The following DZIP1L variants were observed in gnomAD, a reference collection of about 807,000 sequenced individuals.
The protein encoded by DZIP1L is DAZ interacting zinc finger protein 1 like, also known as cilium assembly protein DZIP1L.
DZIP1L carries 90 observed loss-of-function variants against 88.7 expected under a neutral mutation model. That is an observed-to-expected ratio of 1.02 (90% CI 0.86 to 1.21). The LOEUF (loss-of-function observed/expected upper bound fraction) is 1.21, where lower values mean the gene tolerates loss of function less well. Ranked by LOEUF, DZIP1L falls within the 50% of genes most tolerant of loss-of-function variation. The probability of loss-of-function intolerance (pLI) is 0.00; values close to 1 mark genes in which losing one functional copy is unlikely to be tolerated. For synonymous variants in DZIP1L, 363 were observed against 372.1 expected, an observed-to-expected ratio of 0.98 and a Z score of 0.28; for missense variants, 932 against 955.8, an observed-to-expected ratio of 0.98 and a Z score of 0.33.
At chr3:138,085,282 T>A (rs1943872026) in intron 7 of DZIP1L, among the ~76,000 whole-genome samples, 1 of 152,180 alleles carries the variant, frequency 6.6e-6, no homozygotes, top group Admixed American at 6.5e-5. Context: ...CAAGAGCTTC[T>A]GCATAGCAAA....
At chr3:138,113,904 C>T (rs191602108) in intron 1 of DZIP1L, among the ~76,000 whole-genome samples, 2 of 152,212 alleles carry the variant, frequency 1.3e-5, no homozygotes, top group East Asian at 1.9e-4. Context: ...TTGCCACAAA[C>T]GGATTTTATT....
At chr3:138,068,430 A>T in intron 12 of DZIP1L, 63 bp from the exon 13 acceptor site, 44 of 1,290,742 alleles carry the variant, frequency 3.4e-5, no homozygotes, top group Admixed American at 5.4e-5. Context: ...GCCTAAGAGG[A>T]GGGAGAAAGT....
chr3:138,095,533 C>A (rs1231487831), intron 3 of DZIP1L, among the ~76,000 whole-genome samples: 1 of 152,136 alleles, frequency 6.6e-6, no homozygotes, highest in African/African-American at 2.4e-5. Context: ...GTAATCCCAG[C>A]ACTTTGGGAG....
chr3:138,107,012 G>A lies in DZIP1L; in HGVS notation c.-81-2960C>T, dbSNP rs148393061. ...GGGTGCTATGAGACTTGGAGAAGATGCAAGGGGAAGGTGCTCAGTGATAAC... is the reference window on the plus strand; with the variant it reads ...GGGTGCTATGAGACTTGGAGAAGATACAAGGGGAAGGTGCTCAGTGATAAC... On this transcript the variant is annotated intron_variant, in intron 1 of 15. Transcript: ENST00000327532. Among the ~76,000 whole-genome samples, 5 of 152,332 alleles carry A rather than the reference G, an allele frequency of 3.3e-5. No homozygotes were observed. The East Asian group carries it at 9.6e-4, about 29-fold the overall frequency.
At chr3:138,093,681 T>C (rs1271599014) in intron 4 of DZIP1L, among the ~76,000 whole-genome samples, 3 of 152,258 alleles carry the variant, frequency 2.0e-5, no homozygotes, top group Non-Finnish European at 2.9e-5. Flanking sequence ...CTGCTTCACA[T>C]TGCACTTTCA....
chr3:138,077,505 TA>T lies in DZIP1L; in HGVS notation c.1415del (p.Ile472LysfsTer20). 1 of 1,614,156 alleles carries T rather than the reference TA, an allele frequency of 6.2e-7. No individual in the cohort carries two copies. The highest frequency in any genetic ancestry group is 8.5e-7 in the Non-Finnish European group (1 of 1,179,990). On this transcript the variant is annotated frameshift_variant, in exon 11 of 16. Coordinates refer to ENST00000327532, the MANE Select transcript of DZIP1L (RefSeq NM_173543.3). LOFTEE classifies it high-confidence loss of function. Reference protein sequence around the residue: ...TLEEKLESMGIRKDAKGISIQ... With the variant: ...TLEEKLESMGXRKDAKGISIQ... ...CGATGGCCCTGAAACTCACCTTCCT[TA>T]TCCCCATGCTTTCGAGCTTCTCTTC...
At chr3:138,086,338 C>T (rs1408118869) in intron 7 of DZIP1L, among the ~76,000 whole-genome samples, 3 of 151,994 alleles carry the variant, frequency 2.0e-5, no homozygotes, top group African/African-American at 4.8e-5. Context: ...CTTCCCTACA[C>T]CAGAGTGAGG....
At chr3:138,069,076 C>T (rs1329752825) in intron 12 of DZIP1L, 5 of 1,097,142 alleles carry the variant, frequency 4.6e-6, no homozygotes, top group Non-Finnish European at 6.3e-6. Context: ...GTTGAACAGC[C>T]ATGGGTCCAC....
At chr3:138,091,081 G>A (rs918934850) in intron 5 of DZIP1L, among the ~76,000 whole-genome samples, 7 of 151,558 alleles carry the variant, frequency 4.6e-5, no homozygotes, top group African/African-American at 1.2e-4. Context: ...ACAGGGTTTC[G>A]CCATGTTGGT....
chr3:138,064,404 T>C lies in DZIP1L; in HGVS notation c.2142+224A>G, dbSNP rs751179118. ...CAATCAAAACTTACTGAGCATTGCT[T>C]ATATAATGAACCAAAAGGCTTTTTA... On this transcript the variant is annotated intron_variant, in intron 15 of 15. Coordinates refer to ENST00000327532, the MANE Select transcript of DZIP1L (RefSeq NM_173543.3). 6 of 1,446,802 alleles carry C rather than the reference T, an allele frequency of 4.1e-6. No homozygotes were observed. In the Admixed American group the frequency reaches 1.2e-4, roughly 30 times the overall value. The allele number at this position is 1,446,802 out of a possible 1,614,324, so 89.6% of individuals were successfully genotyped here.
At chr3:138,113,742 G>A (rs988991621) in intron 1 of DZIP1L, among the ~76,000 whole-genome samples, 1 of 152,098 alleles carries the variant, frequency 6.6e-6, no homozygotes, top group African/African-American at 2.4e-5. Context: ...GACCCTCATG[G>A]GGGCTGCAGC....
At position 138,103,711 on chromosome 3, in the gene DZIP1L, C is replaced by G. The variant is rs757530232; in HGVS notation, c.261G>C (p.Leu87=). The G allele has an allele frequency of 6.2e-7, 1 of 1,613,234 alleles. No individual in the cohort carries two copies. The highest frequency in any genetic ancestry group is 2.2e-5 in the East Asian group (1 of 44,878). The change falls in exon 2 of 16, where the codon CTG becomes CTC. Residue 87 remains leucine (L), a synonymous_variant. Transcript: ENST00000327532. The stretch of plus-strand genomic sequence containing the variant: ...ACTCAATGATGAGCTGCGCCAGGCG[C>G]AGCACCTTGAGCAGTGCCGGGTCCA... ...QPVDPALLKV[L]RLAQLIIEYL... is the part of the protein sequence containing the mutation.
intron 6 of DZIP1L, among the ~76,000 whole-genome samples, chr3:138,087,480 G>A (rs1944000748): frequency 6.6e-6 from 1 of 152,110 alleles, no homozygotes; most frequent in South Asian, 2.1e-4. Context: ...AAAATTGAAG[G>A]ACCAACAGAA....
At chr3:138,088,653 T>C (rs1338964500) in intron 5 of DZIP1L, 146 bp from the exon 6 acceptor site, 12 of 1,313,398 alleles carry the variant, frequency 9.1e-6, no homozygotes, top group Non-Finnish European at 1.1e-5. Flanking sequence ...CCTACAGATA[T>C]TCACACAAAT....
chr3:138,089,003 G>A (rs1347973438), intron 5 of DZIP1L: 1 of 985,356 alleles, frequency 1.0e-6, no homozygotes, highest in Non-Finnish European at 1.2e-6. Flanking sequence ...AGCAGTGTGT[G>A]TGACCTGAAG....
In DZIP1L at chr3:138,104,117, G is replaced by T; in HGVS notation, c.-81-65C>A. 2.1e-6 allele frequency: 3 copies of T among 1,413,646 alleles called. No individual in the cohort carries two copies. The South Asian group carries it at 4.4e-5, about 21-fold the overall frequency. The allele number at this position is 1,413,646 out of a possible 1,614,324, so 87.6% of individuals were successfully genotyped here. On this transcript the variant is annotated intron_variant, in intron 1 of 15. Transcript: ENST00000327532. The stretch of plus-strand genomic sequence containing the variant: ...TGTGGCTGCACCTACTGTATATCTG[G>T]CCAGCAAGGGCCTAAGCGGGGCAAA...
intron 13 of DZIP1L, 98 bp downstream of exon 13, chr3:138,068,053 T>G (rs1329817421): frequency 3.6e-6 from 4 of 1,099,154 alleles, no homozygotes; most frequent in Non-Finnish European, 4.8e-6. Context: ...TCTGCCCCCC[T>G]CCTATCTGCA....
At chr3:138,102,242 C>A in intron 2 of DZIP1L, 1 of 1,430,122 alleles carries the variant, frequency 7.0e-7, no homozygotes. Context: ...CATACAGCTG[C>A]CTGAGGAAGT....
At position 138,064,769 on chromosome 3, in the gene DZIP1L, T is replaced by C; in HGVS notation, c.2003-2A>G. ...TGACCATCGACTGCACCAGTGTTCC[T>C]GGAAGGTGAAAAAGTGGCTGTGTCA... On this transcript the variant is annotated splice_acceptor_variant, in intron 14 of 15. Transcript: ENST00000327532. LOFTEE classifies it high-confidence loss of function. 1 of 1,561,490 alleles carries C rather than the reference T, an allele frequency of 6.4e-7. No individual in the cohort carries two copies.
Sources: gnomAD v4.1 joint callset for allele counts (sites outside exome capture counted in the v4.1 genomes callset) on GRCh38, gnomAD v4.1.1 for gene constraint, MANE v1.5 for transcripts, NCBI Gene and HGNC (gene_info 2026-07-23, HGNC 2026-07-21) for gene names.